CNTNAP2: variants seen among roughly 807,000 people sequenced by gnomAD.
CNTNAP2 encodes contactin-associated protein-like 2.
In CNTNAP2, 98 loss-of-function variants were observed where a neutral mutation model predicts 155.2. That is an observed-to-expected ratio of 0.63 (90% CI 0.54 to 0.75). The LOEUF (loss-of-function observed/expected upper bound fraction) is 0.75, where lower values mean the gene tolerates loss of function less well. Ranked by LOEUF, CNTNAP2 falls within the 30% of genes least tolerant of loss-of-function variation. CNTNAP2 has a pLI of 0.00. For synonymous variants in CNTNAP2, 651 were observed against 631.2 expected, an observed-to-expected ratio of 1.03 and a Z score of -0.47; for missense variants, 1,727 against 1,688.1, an observed-to-expected ratio of 1.02 and a Z score of -0.40.
At chr7:146,602,134 C>T (rs1798960445) in intron 1 of CNTNAP2, among the ~76,000 whole-genome samples, 1 of 151,994 alleles carries the variant, frequency 6.6e-6, no homozygotes, top group African/African-American at 2.4e-5. Context: ...GTCATATGCT[C>T]AGTATGAAAA....
intron 9 of CNTNAP2, among the ~76,000 whole-genome samples, chr7:147,390,641 G>A (rs549934599): frequency 5.9e-5 from 9 of 152,024 alleles, no homozygotes; most frequent in Admixed American, 2.0e-4. Flanking sequence ...ATGGCTTTTA[G>A]GCTGGCTTCC....
chr7:148,145,825 A>G (rs555976098), intron 16 of CNTNAP2, among the ~76,000 whole-genome samples: 27 of 152,304 alleles, frequency 1.8e-4, no homozygotes, highest in African/African-American at 5.8e-4. Flanking sequence ...TCCAGTCCCA[A>G]TGACCCCTGG....
chr7:147,734,428 T>C (rs1319451101), intron 13 of CNTNAP2, among the ~76,000 whole-genome samples: 11 of 152,306 alleles, frequency 7.2e-5, no homozygotes, highest in Non-Finnish European at 1.5e-4. Flanking sequence ...CAGTATTTTA[T>C]TGGGGATTTT....
chr7:147,016,959 A>T (rs1798735242), intron 3 of CNTNAP2, among the ~76,000 whole-genome samples: 1 of 151,648 alleles, frequency 6.6e-6, no homozygotes, highest in South Asian at 2.1e-4. Context: ...AGGAAGAGAG[A>T]TTGATGATTT....
chr7:146,236,142 A>G (rs1178609023), intron 1 of CNTNAP2, among the ~76,000 whole-genome samples: 1 of 152,054 alleles, frequency 6.6e-6, no homozygotes, highest in Non-Finnish European at 1.5e-5. Flanking sequence ...TTATATTCTC[A>G]TTTTTTGTTA....
chr7:148,365,620 G>A (rs939466088), intron 21 of CNTNAP2, among the ~76,000 whole-genome samples: 9 of 151,904 alleles, frequency 5.9e-5, no homozygotes, highest in Non-Finnish European at 1.2e-4. Flanking sequence ...AACCAAGATC[G>A]CACCATTGTA....
intron 4 of CNTNAP2, among the ~76,000 whole-genome samples, chr7:147,086,888 T>G (rs1352664364): frequency 6.6e-6 from 1 of 152,212 alleles, no homozygotes; most frequent in Non-Finnish European, 1.5e-5. Flanking sequence ...TTCAGAAAAG[T>G]CTAGTACAGA....
chr7:146,193,227 G>A (rs1798731278), intron 1 of CNTNAP2, among the ~76,000 whole-genome samples: 1 of 152,170 alleles, frequency 6.6e-6, no homozygotes, highest in Admixed American at 6.5e-5. Context: ...CTGGGGTCTG[G>A]AGGATGGTGG....
At chr7:148,179,694 A>G (rs1377452293) in intron 18 of CNTNAP2, among the ~76,000 whole-genome samples, 4 of 151,102 alleles carry the variant, frequency 2.6e-5, no homozygotes. Context: ...AAGGGAAAGA[A>G]AGAAAAGGGA....
chr7:148,183,299 A>T (rs1236795464), intron 18 of CNTNAP2, among the ~76,000 whole-genome samples: 1 of 152,210 alleles, frequency 6.6e-6, no homozygotes, highest in Non-Finnish European at 1.5e-5. Context: ...AGCATGGCAG[A>T]TAGTGGTGGG....
rs143627664 is a variant in CNTNAP2 at position 147,570,469 on chromosome 7, A to G, written c.1897+8212A>G. Among the ~76,000 whole-genome samples, 549 of 152,324 alleles carry G rather than the reference A, an allele frequency of 3.6e-3. 4 individuals carry two copies. The highest frequency in any genetic ancestry group is 0.012 in the African/African-American group (514 of 41,580). Reference sequence around the variant, plus strand: ...AATTGTAACATATTGTTCTGTAAAAACTTTGACAATAAAGATAAGCAAAAA... The same window carrying G: ...AATTGTAACATATTGTTCTGTAAAAGCTTTGACAATAAAGATAAGCAAAAA... On this transcript the variant is annotated intron_variant, in intron 12 of 23. Coordinates refer to ENST00000361727, the MANE Select transcript of CNTNAP2 (RefSeq NM_014141.6).
At chr7:146,352,750 G>GTTTTTTTTTTTTTGTTTTT (rs1794934999) in intron 1 of CNTNAP2, among the ~76,000 whole-genome samples, 1 of 64,338 alleles carries the variant, frequency 1.6e-5, no homozygotes, top group Non-Finnish European at 2.9e-5. Flanking sequence ...GCATAATTCT[G>GTTTTTTTTTTTTTGTTTTT]TTTTTTTTTT....
At chr7:147,606,027 C>A (rs758964736) in intron 12 of CNTNAP2, among the ~76,000 whole-genome samples, 2 of 151,914 alleles carry the variant, frequency 1.3e-5, no homozygotes, top group African/African-American at 4.8e-5. Flanking sequence ...TTCAGGTAAC[C>A]CCCAGGCAAG....
intron 16 of CNTNAP2, among the ~76,000 whole-genome samples, chr7:148,120,381 C>G (rs1217423748): frequency 6.6e-6 from 1 of 151,922 alleles, no homozygotes; most frequent in African/African-American, 2.4e-5. Flanking sequence ...ATCCTCCCAC[C>G]TCAGCCTCCC....
Position 148,364,660 on chromosome 7 carries a change from T to C in CNTNAP2, c.3476-18989T>C, listed in dbSNP as rs568860065. On this transcript the variant is annotated intron_variant, in intron 21 of 23. Coordinates refer to ENST00000361727, the MANE Select transcript of CNTNAP2 (RefSeq NM_014141.6). ...GTATCTAACTAATCTGATGGGGATG[T>C]GGAGAACCTTTGTATCTAGCTCAGG... 7.9e-5 allele frequency among the ~76,000 whole-genome samples: 12 copies of C among 152,312 alleles called. No individual in the cohort carries two copies. The East Asian group carries it at 2.1e-3, about 27-fold the overall frequency.
At chr7:146,769,493 G>A (rs1477265905) in intron 1 of CNTNAP2, among the ~76,000 whole-genome samples, 4 of 152,202 alleles carry the variant, frequency 2.6e-5, no homozygotes, top group Non-Finnish European at 5.9e-5. Context: ...ATGGCAATAT[G>A]TGCTTGCATG....
chr7:146,911,178 A>G (rs1364010848), intron 3 of CNTNAP2, among the ~76,000 whole-genome samples: 1 of 152,074 alleles, frequency 6.6e-6, no homozygotes, highest in African/African-American at 2.4e-5. Context: ...CATGATGTGG[A>G]GAAATAGGAA....
intron 3 of CNTNAP2, among the ~76,000 whole-genome samples, chr7:147,032,712 A>C (rs34351518): frequency 0.044 from 6,720 of 152,136 alleles, 182 homozygotes; most frequent in African/African-American, 0.067. Context: ...AAAGAAAGAG[A>C]GAAAAAAAGG....
At chr7:147,718,851 A>G (rs1055077362) in intron 13 of CNTNAP2, among the ~76,000 whole-genome samples, 1 of 152,162 alleles carries the variant, frequency 6.6e-6, no homozygotes, top group Non-Finnish European at 1.5e-5. Flanking sequence ...TATGCTTGTT[A>G]ACACATGTAA....
Sources: gnomAD v4.1 joint callset for allele counts (sites outside exome capture counted in the v4.1 genomes callset) on GRCh38, gnomAD v4.1.1 for gene constraint, MANE v1.5 for transcripts, NCBI Gene and HGNC (gene_info 2026-07-23, HGNC 2026-07-21) for gene names.